Variants in B9D1 observed in about 807,000 individuals in gnomAD.
B9D1 encodes B9 domain containing 1, also known as B9 domain-containing protein 1.
B9D1 carries 20 observed loss-of-function variants against 26.1 expected under a neutral mutation model. The ratio of observed to expected loss-of-function variants is 0.77; its 90% confidence interval spans 0.54 to 1.12. The LOEUF (loss-of-function observed/expected upper bound fraction) is 1.12, where lower values mean the gene tolerates loss of function less well. Ranked by LOEUF, B9D1 falls within the 50% of genes most tolerant of loss-of-function variation. The pLI is 0.00. For synonymous variants in B9D1, 105 were observed against 103.1 expected (o/e 1.02, Z -0.11); for missense variants, 260 against 273.7 (o/e 0.95, Z 0.35).
Position 19,347,619 on chromosome 17 carries a change from G to A in B9D1, c.341+165C>T, listed in dbSNP as rs1909004947. On this transcript the variant is annotated intron_variant, in intron 4 of 6. Transcript: ENST00000261499. This position sits in a 1 kb window ranked among gnomAD's most constrained non-coding sequence, Gnocchi z 4.3. ...GTGGCTGGCACCACCCATCTGAAAG[G>A]TTCTCCTCCCAAATACAGGCTACAA... Among the ~76,000 whole-genome samples, 1 of 152,136 alleles carries A rather than the reference G, an allele frequency of 6.6e-6. No individual in the cohort carries two copies. Among genetic ancestry groups the A allele is most frequent in the Non-Finnish European group, 1.5e-5 (1 of 68,020 alleles).
chr17:19,368,802 C>T (rs544106291), intron 1 of B9D1, among the ~76,000 whole-genome samples: 2 of 152,206 alleles, frequency 1.3e-5, no homozygotes, highest in East Asian at 3.9e-4. Context: ...AATAAATTAG[C>T]CAGGCATGGT....
In B9D1 at chr17:19,343,770, G is replaced by A. The variant is rs1908302934; in HGVS notation, c.472+20C>T. 6.2e-7 allele frequency: 1 copy of A among 1,613,140 alleles called. No individual in the cohort carries two copies. The highest frequency in any genetic ancestry group is 1.3e-5 in the African/African-American group (1 of 75,036). Reference sequence around the variant, plus strand: ...TAACCTGTATGGGGGATGGGGGTAAGAGAGGGGAGGGAGCTTTACCTTCCC... The same window carrying A: ...TAACCTGTATGGGGGATGGGGGTAAAAGAGGGGAGGGAGCTTTACCTTCCC... On this transcript the variant is annotated intron_variant, in intron 6 of 6. Coordinates refer to ENST00000261499, the MANE Select transcript of B9D1 (RefSeq NM_015681.6).
At chr17:19,362,797 C>T (rs1470997113), upstream of B9D1, 17 of 1,336,480 alleles carry the variant, frequency 1.3e-5, no homozygotes, top group East Asian at 2.1e-4. Context: ...AGGCTCCACC[C>T]CTCCTTAGGG....
rs751362426 is a variant in B9D1 at position 19,347,049 on chromosome 17, A to G, written c.404+220T>C. 9 of 1,548,544 alleles carry G rather than the reference A, an allele frequency of 5.8e-6. No individual in the cohort carries two copies. Among genetic ancestry groups the G allele is most frequent in the East Asian group, 2.4e-5 (1 of 40,896 alleles). On this transcript the variant is annotated intron_variant, in intron 5 of 6. Transcript: ENST00000261499. The surrounding 1 kb of genome is among the most constrained non-coding windows in gnomAD (Gnocchi z 4.3). Reference sequence around the variant, plus strand: ...GCTCCCTCAGACACAAAGATTTTTCACAGGGCACAGGGTAAAATCGCCCGG... The same window carrying G: ...GCTCCCTCAGACACAAAGATTTTTCGCAGGGCACAGGGTAAAATCGCCCGG...
chr17:19,377,757 G>A, intron 1 of B9D1: 1 of 871,272 alleles, frequency 1.1e-6, no homozygotes, highest in South Asian at 5.3e-5. Flanking sequence ...CCCACCCGCG[G>A]GCTCCGCAGA....
At chr17:19,366,914 C>G (rs545321994), upstream of B9D1, among the ~76,000 whole-genome samples, 2 of 152,266 alleles carry the variant, frequency 1.3e-5, no homozygotes, top group Admixed American at 6.5e-5. Flanking sequence ...AAACCAGAAG[C>G]TACAGGGGCT....
upstream of B9D1, among the ~76,000 whole-genome samples, chr17:19,367,235 A>G (rs1483038291): frequency 2.0e-5 from 3 of 151,734 alleles, no homozygotes; most frequent in Non-Finnish European, 4.4e-5. Context: ...TGGCCTCTGC[A>G]CCTGCACATG....
chr17:19,357,869 A>T lies in B9D1; in HGVS notation c.215T>A (p.Val72Asp). 1 of 1,613,994 alleles carries T rather than the reference A, an allele frequency of 6.2e-7. No homozygotes were observed. Among genetic ancestry groups the T allele is most frequent in the Non-Finnish European group, 8.5e-7 (1 of 1,179,986 alleles). Residue 72 changes from valine to aspartate, a missense_variant, in exon 3 of 7, where the codon GTC (valine) becomes GAC (aspartate). Transcript: ENST00000261499. The part of the protein sequence containing the change: ...QALVWNFPID[V>D]TFKSTNPYGW... ...GTAGGGGTTGGTGCTTTTAAAGGTG[A>T]CATCAATGGGGAAGTTCCACACCAG...
intron 3 of B9D1, among the ~76,000 whole-genome samples, chr17:19,354,917 T>C (rs1910129231): frequency 6.6e-6 from 1 of 152,258 alleles, no homozygotes; most frequent in Non-Finnish European, 1.5e-5. Context: ...CTTCCATTTA[T>C]CCTGCTTGAG....
In B9D1 at chr17:19,362,495, A is replaced by G; in HGVS notation, c.63+12T>C. ...TGGGGGGCGGGCCCCGGCGGGGTCC[A>G]CGGCCGCTCACCTGGGCGCTCTCCA... On this transcript the variant is annotated intron_variant, in intron 1 of 6. Coordinates refer to ENST00000261499, the MANE Select transcript of B9D1 (RefSeq NM_015681.6). 1 of 1,555,584 alleles carries G rather than the reference A, an allele frequency of 6.4e-7. No individual in the cohort carries two copies. The highest frequency in any genetic ancestry group is 8.7e-7 in the Non-Finnish European group (1 of 1,149,330).
At chr17:19,356,100 C>CA (rs1910309597) in intron 3 of B9D1, among the ~76,000 whole-genome samples, 1 of 151,050 alleles carries the variant, frequency 6.6e-6, no homozygotes, top group Non-Finnish European at 1.5e-5. Context: ...AGTTTTCTTT[C>CA]TTTTTTTTTG....
chr17:19,362,465 G>T (rs747052229), intron 1 of B9D1, 42 bp downstream of exon 1: 6 of 1,483,274 alleles, frequency 4.0e-6, no homozygotes, highest in African/African-American at 1.4e-5. Context: ...GGCCCCGGGG[G>T]ACGCTGGGGG....
chr17:19,374,217 C>T (rs1322574726), intron 1 of B9D1, among the ~76,000 whole-genome samples: 1 of 152,228 alleles, frequency 6.6e-6, no homozygotes, highest in Non-Finnish European at 1.5e-5. Flanking sequence ...GACCCTCGGC[C>T]TGTGCTGGGG....
At position 19,347,217 on chromosome 17, in the gene B9D1, T is replaced by C. The variant is rs79716743; in HGVS notation, c.404+52A>G. 5.5e-3 allele frequency: 8,915 copies of C among 1,614,128 alleles called. 217 individuals carry two copies. The highest frequency in any genetic ancestry group is 0.053 in the South Asian group (4,853 of 91,080). On this transcript the variant is annotated intron_variant, in intron 5 of 6. Coordinates refer to ENST00000261499, the MANE Select transcript of B9D1 (RefSeq NM_015681.6). This position sits in a 1 kb window ranked among gnomAD's most constrained non-coding sequence, Gnocchi z 4.3. The stretch of plus-strand genomic sequence containing the variant: ...ACAAACTGAGGGGTAGAATGGGACA[T>C]CCATTCATCCAGTAGATCAGGAGGG...
chr17:19,362,803 T>C (rs567200545), upstream of B9D1: 11 of 1,275,268 alleles, frequency 8.6e-6, no homozygotes, highest in African/African-American at 5.9e-5. Context: ...CACCCCTCCT[T>C]AGGGCAGGTA....
In B9D1 at chr17:19,343,301, G is replaced by C. The variant is rs1488762823; in HGVS notation, c.*18C>G. ...AGGCAGCCCTTCATTATCAGAGACT[G>C]TGCAGCCTGTGGAGCCTTCACTGGG... On this transcript the variant is annotated 3_prime_UTR_variant, in exon 7 of 7. Transcript: ENST00000261499. 3.1e-6 allele frequency: 5 copies of C among 1,614,002 alleles called. No individual in the cohort carries two copies. The highest frequency in any genetic ancestry group is 4.2e-6 in the Non-Finnish European group (5 of 1,179,924).
At chr17:19,341,464 G>A (rs557276606), downstream of B9D1, 5 of 498,768 alleles carry the variant, frequency 1.0e-5, no homozygotes, top group African/African-American at 9.9e-5. Context: ...GGAGGGAGAA[G>A]GGGAGAAGAA....
intron 1 of B9D1, among the ~76,000 whole-genome samples, chr17:19,371,049 A>G (rs1911867810): frequency 6.6e-6 from 1 of 152,196 alleles, no homozygotes; most frequent in Non-Finnish European, 1.5e-5. Flanking sequence ...CATGTAAGGC[A>G]CTTTTAGATG....
At chr17:19,342,639 T>TCC (rs1281797483), downstream of B9D1, among the ~76,000 whole-genome samples, 1 of 152,156 alleles carries the variant, frequency 6.6e-6, no homozygotes, top group African/African-American at 2.4e-5. Flanking sequence ...GGTCAGGGTG[T>TCC]TGAGCCAGGG....
Sources: allele counts gnomAD v4.1 joint callset (sites outside exome capture counted in the v4.1 genomes callset), GRCh38; gene constraint gnomAD v4.1.1; non-coding constraint Gnocchi (gnomAD v3.1); transcripts MANE v1.5; gene names NCBI Gene and HGNC (gene_info 2026-07-23, HGNC 2026-07-21).